Variants in SNRPB observed in about 807,000 individuals in gnomAD.
The protein encoded by SNRPB is small nuclear ribonucleoprotein polypeptides B and B1.
In SNRPB, 5 loss-of-function variants were observed where a neutral mutation model predicts 26.6. The observed-to-expected ratio is 0.19, with a 90% CI of 0.10 to 0.39. The LOEUF (loss-of-function observed/expected upper bound fraction) is 0.39, where lower values mean the gene tolerates loss of function less well. Among genes scored for constraint, SNRPB ranks in the 10% least tolerant of loss-of-function variants. SNRPB has a pLI of 1.00. For synonymous variants in SNRPB, 122 were observed against 105.8 expected (o/e 1.15, Z -0.94); for missense variants, 211 against 311.9 (o/e 0.68, Z 2.44).
Position 2,463,308 on chromosome 20 carries a change from C to T in SNRPB, c.421-81G>A. On this transcript the variant is annotated intron_variant, in intron 4 of 6. Coordinates refer to ENST00000381342, the MANE Select transcript of SNRPB (RefSeq NM_003091.4). The surrounding 1 kb of genome is among the most constrained non-coding windows in gnomAD (Gnocchi z 5.0). ...CTCTCCTCCCCAACTTGGGGAAGGA[C>T]AGTGGGAAATAACAGACACCAAATC... 9.1e-7 allele frequency: 1 copy of T among 1,097,052 alleles called. No homozygotes were observed. The allele number at this position is 1,097,052 out of a possible 1,614,324, so 68.0% of individuals were successfully genotyped here.
rs562177227 is a variant in SNRPB at position 2,463,885 on chromosome 20, T to C, written c.282A>G (p.Arg94=). The change falls in exon 4 of 7, where the codon CGA becomes CGG. Residue 94 remains arginine (R), a synonymous_variant. Coordinates refer to ENST00000381342, the MANE Select transcript of SNRPB (RefSeq NM_003091.4). This position sits in a 1 kb window ranked among gnomAD's most constrained non-coding sequence, Gnocchi z 5.0. ...CCCCGGCAGCTCCAGCAAGTGGAACTCGAGCAATACCAGTCTGAAAAATAA... is the reference window on the plus strand; with the variant it reads ...CCCCGGCAGCTCCAGCAAGTGGAACCCGAGCAATACCAGTCTGAAAAATAA... The part of the protein sequence containing the change: ...GPPPKDTGIA[R]VPLAGAAGGP... 3 of 1,613,460 alleles carry C rather than the reference T, an allele frequency of 1.9e-6. No homozygotes were observed. Among genetic ancestry groups the C allele is most frequent in the African/African-American group, 2.7e-5 (2 of 75,030 alleles).
chr20:2,470,542 T>G, intron 1 of SNRPB, 146 bp downstream of exon 1: 2 of 943,860 alleles, frequency 2.1e-6, no homozygotes, highest in Non-Finnish European at 1.6e-6. Flanking sequence ...AAGGTCCTGG[T>G]CTTTCCCGCC....
Position 2,463,206 on chromosome 20 carries a change from C to T in SNRPB, c.442G>A (p.Gly148Ser). ...GCAGCTGCAGCGGCTGCAACAGTAC[C>T]TCTTCCTTGTGGGGTCATCACCTAA... ...SQQVMTPQGR[G>S]TVAAAAAAAT... Residue 148 changes from glycine to serine, a missense_variant, in exon 5 of 7, where the codon GGT becomes AGT. Gly to Ser is a moderately conservative substitution (Grantham distance 56, BLOSUM62 0). Coordinates refer to ENST00000381342, the MANE Select transcript of SNRPB (RefSeq NM_003091.4). This position sits in a 1 kb window ranked among gnomAD's most constrained non-coding sequence, Gnocchi z 5.0. 1 of 1,613,216 alleles carries T rather than the reference C, an allele frequency of 6.2e-7. No homozygotes were observed. Among genetic ancestry groups the T allele is most frequent in the African/African-American group, 1.3e-5 (1 of 75,056 alleles).
chr20:2,465,334 T>C (rs2122489343), intron 3 of SNRPB, among the ~76,000 whole-genome samples: 1 of 152,028 alleles, frequency 6.6e-6, no homozygotes, highest in South Asian at 2.1e-4. Context: ...AGCTTTAAAG[T>C]CTGAGATACC....
At chr20:2,467,857 C>T in intron 1 of SNRPB, 99 bp from the exon 2 acceptor site, 2 of 1,076,014 alleles carry the variant, frequency 1.9e-6, no homozygotes, top group Non-Finnish European at 2.7e-6. Flanking sequence ...TCCATGTGTC[C>T]AACTTTCTCA....
intron 3 of SNRPB, among the ~76,000 whole-genome samples, chr20:2,464,979 T>A (rs555649127): frequency 6.6e-6 from 1 of 152,320 alleles, no homozygotes; most frequent in East Asian, 1.9e-4. Context: ...GCTTGGTGTT[T>A]ACAGAATCAA....
At chr20:2,464,483 G>A (rs1003496491) in intron 3 of SNRPB, among the ~76,000 whole-genome samples, 7 of 152,060 alleles carry the variant, frequency 4.6e-5, no homozygotes, top group African/African-American at 1.2e-4. Flanking sequence ...AGGCAAAAAC[G>A]TAAAAATCTC....
chr20:2,469,899 G>A (rs889217078), intron 1 of SNRPB, among the ~76,000 whole-genome samples: 1 of 152,052 alleles, frequency 6.6e-6, no homozygotes, highest in Admixed American at 6.6e-5. Flanking sequence ...TTACCCTTCA[G>A]CCTTTGTTCC....
rs1349379592 is a variant in SNRPB, at chr20:2,465,835, G to C, written c.156-16C>G. On this transcript the variant is annotated splice_polypyrimidine_tract_variant and intron_variant, in intron 2 of 6. Coordinates refer to ENST00000381342, the MANE Select transcript of SNRPB (RefSeq NM_003091.4). ...GTTCTTTGGCCTAAAGAGAGGTTTA[G>C]AAGGAACAAAAAAAGTGTTAGAGGT... The C allele has an allele frequency of 6.2e-7, 1 of 1,604,636 alleles. No homozygotes were observed. Among genetic ancestry groups the C allele is most frequent in the South Asian group, 1.1e-5 (1 of 90,806 alleles).
chr20:2,469,066 G>T (rs571159794), intron 1 of SNRPB, among the ~76,000 whole-genome samples: 1 of 152,288 alleles, frequency 6.6e-6, no homozygotes, highest in South Asian at 2.1e-4. Flanking sequence ...ACATTCACTG[G>T]TCCAGCTCAA....
At chr20:2,462,910 C>T in intron 5 of SNRPB, 149 bp from the exon 6 acceptor site, 1 of 934,608 alleles carries the variant, frequency 1.1e-6, no homozygotes, top group South Asian at 1.7e-5. Context: ...GAGCCTAACA[C>T]CCAGGGCTCC....
At position 2,470,708 on chromosome 20, in the gene SNRPB, C is replaced by T; in HGVS notation, c.-18G>A. On this transcript the variant is annotated 5_prime_UTR_variant, in exon 1 of 7. Transcript: ENST00000381342. The stretch of plus-strand genomic sequence containing the variant: ...CTTACCATGGTGGCGGTTCTGATGG[C>T]TCTGATACCCGCCGGATTCGCCTCC... The T allele has an allele frequency of 6.2e-7, 1 of 1,613,316 alleles. No homozygotes were observed. The highest frequency in any genetic ancestry group is 1.1e-5 in the South Asian group (1 of 91,066).
chr20:2,462,080 G>A (rs977404459), intron 6 of SNRPB, 141 bp from the exon 7 acceptor site: 4 of 622,884 alleles, frequency 6.4e-6, no homozygotes, highest in South Asian at 4.0e-5. Flanking sequence ...ACTACTCTGA[G>A]GCTGACTGGG....
intron 1 of SNRPB, among the ~76,000 whole-genome samples, chr20:2,468,692 G>A (rs144220566): frequency 1.6e-4 from 24 of 152,326 alleles, no homozygotes; most frequent in African/African-American, 4.6e-4. Context: ...TTGGGAGGCC[G>A]AGGTGGGCAG....
Position 2,462,741 on chromosome 20 carries a change from CAGG to C in SNRPB, c.577_579del (p.Pro193del). 1.3e-6 allele frequency: 2 copies of C among 1,558,386 alleles called. No individual in the cohort carries two copies. The highest frequency in any genetic ancestry group is 1.7e-6 in the Non-Finnish European group (2 of 1,153,962). ...GGGGGACCCATAGGAGGTCTCATAC[CAGG>C]AGGTGGGCCCATCATGCCTGCAAGA... On this transcript the variant is annotated inframe_deletion, in exon 6 of 7. Coordinates refer to ENST00000381342, the MANE Select transcript of SNRPB (RefSeq NM_003091.4).
chr20:2,462,064 C>G (rs1307145643), intron 6 of SNRPB, 125 bp from the exon 7 acceptor site: 2 of 666,286 alleles, frequency 3.0e-6, no homozygotes, highest in Non-Finnish European at 5.4e-6. Flanking sequence ...TATGTGCTAA[C>G]TAGGGACTAC....
rs199881850 is a variant in SNRPB, at chr20:2,470,713, A to C, written c.-23T>G. On this transcript the variant is annotated 5_prime_UTR_variant, in exon 1 of 7. Coordinates refer to ENST00000381342, the MANE Select transcript of SNRPB (RefSeq NM_003091.4). ...CATGGTGGCGGTTCTGATGGCTCTG[A>C]TACCCGCCGGATTCGCCTCCTCAGA... 521 of 1,613,048 alleles carry C rather than the reference A, an allele frequency of 3.2e-4. 2 individuals carry two copies. The African/African-American group carries it at 6.3e-3, about 20-fold the overall frequency.
In SNRPB at chr20:2,463,006, C is replaced by T. The variant is rs909324612; in HGVS notation, c.559+83G>A. 10 of 1,275,400 alleles carry T rather than the reference C, an allele frequency of 7.8e-6. No individual in the cohort carries two copies. The highest frequency in any genetic ancestry group is 4.7e-5 in the Admixed American group (2 of 42,544). 79.0% of individuals were successfully genotyped at this position (1,275,400 alleles called of 1,614,324 possible). On this transcript the variant is annotated intron_variant, in intron 5 of 6. Transcript: ENST00000381342. The surrounding 1 kb of genome is among the most constrained non-coding windows in gnomAD (Gnocchi z 5.0). ...CTTAATTATACAAACTCATCATCAG[C>T]TTCAGTCAAGGTTATATCTCATCAT...
rs773394303 is a variant in SNRPB, at chr20:2,462,622, C to G, written c.685+14G>C. 2 of 1,612,308 alleles carry G rather than the reference C, an allele frequency of 1.2e-6. No individual in the cohort carries two copies. The highest frequency in any genetic ancestry group is 1.1e-5 in the South Asian group (1 of 91,064). On this transcript the variant is annotated intron_variant, in intron 6 of 6. Coordinates refer to ENST00000381342, the MANE Select transcript of SNRPB (RefSeq NM_003091.4). The stretch of plus-strand genomic sequence containing the variant: ...CTAGGGAAAGAAGCCAAAGTCACCA[C>G]TGCAGGCACTTACCTCGCATCCCAG...
Sources: gnomAD v4.1 joint callset for allele counts (sites outside exome capture counted in the v4.1 genomes callset) on GRCh38, gnomAD v4.1.1 for gene constraint, Gnocchi (gnomAD v3.1) non-coding constraint, MANE v1.5 for transcripts, NCBI Gene and HGNC (gene_info 2026-07-23, HGNC 2026-07-21) for gene names.